SLC39A11: variants seen among roughly 807,000 people sequenced by gnomAD.
SLC39A11 encodes zinc transporter ZIP11.
A neutral mutation model predicts 36.1 loss-of-function variants in SLC39A11; 33 were observed. That is an observed-to-expected ratio of 0.91 (90% CI 0.69 to 1.22). The LOEUF (loss-of-function observed/expected upper bound fraction) is 1.22, where lower values mean the gene tolerates loss of function less well. Among genes scored for constraint, SLC39A11 ranks in the 50% most tolerant of loss-of-function variants. The pLI, the probability that SLC39A11 is intolerant of heterozygous loss-of-function variation, is 0.00. For synonymous variants in SLC39A11, 166 were observed against 170.3 expected (o/e 0.97, Z 0.20); for missense variants, 432 against 430.3 (o/e 1.00, Z -0.03).
chr17:72,955,298 C>CTCTTTTT (rs757324144), intron 4 of SLC39A11, among the ~76,000 whole-genome samples: 7 of 65,580 alleles, frequency 1.1e-4, no homozygotes, highest in Non-Finnish European at 1.3e-4. Context: ...TTTCAGTTCT[C>CTCTTTTT]TTTTTTTTTT....
chr17:72,925,300 C>A (rs1407716368), intron 5 of SLC39A11, among the ~76,000 whole-genome samples: 3 of 152,136 alleles, frequency 2.0e-5, no homozygotes, highest in Admixed American at 2.0e-4. Flanking sequence ...GAAATTCACA[C>A]CTGATTCCAT....
rs1261764682 is a variant in SLC39A11, at chr17:72,874,680, G to A, written c.431-24876C>T. 2.0e-5 allele frequency among the ~76,000 whole-genome samples: 3 copies of A among 152,200 alleles called. No individual in the cohort carries two copies. In the East Asian group the frequency reaches 5.8e-4, roughly 29 times the overall value. ...AAGAAATCATCAGGGAACACCCTGA[G>A]AGGAAAGAGCGAGCCCTGAAAAATG... On this transcript the variant is annotated intron_variant, in intron 5 of 9. Coordinates refer to ENST00000255559, the MANE Select transcript of SLC39A11 (RefSeq NM_139177.4).
chr17:72,974,805 G>T (rs773061237), intron 4 of SLC39A11, among the ~76,000 whole-genome samples: 2 of 152,200 alleles, frequency 1.3e-5, no homozygotes, highest in African/African-American at 4.8e-5. Flanking sequence ...CTCCATTCAT[G>T]ATGAGTGCCC....
intron 7 of SLC39A11, among the ~76,000 whole-genome samples, chr17:72,701,177 G>A (rs1276189736): frequency 6.6e-6 from 1 of 152,228 alleles, no homozygotes; most frequent in Non-Finnish European, 1.5e-5. Context: ...TGTTTGGCAT[G>A]GTTTTGGCAC....
At position 73,001,342 on chromosome 17, in the gene SLC39A11, A is replaced by G. The variant is rs114887878; in HGVS notation, c.306+30214T>C. ...TCTGGAACTAGAACCTGACTGATAG[A>G]TATCAGCCTTAAGAAAAAGTTGTAT... On this transcript the variant is annotated intron_variant, in intron 4 of 9. Transcript: ENST00000255559. Among the ~76,000 whole-genome samples the G allele has an allele frequency of 5.8e-3, 847 of 145,162 alleles. 4 individuals are homozygous for G. Among genetic ancestry groups the G allele is most frequent in the African/African-American group, 0.02 (787 of 39,202 alleles).
At chr17:72,796,429 A>T (rs1393430994) in intron 6 of SLC39A11, among the ~76,000 whole-genome samples, 1 of 151,960 alleles carries the variant, frequency 6.6e-6, no homozygotes, top group East Asian at 1.9e-4. Context: ...TATTCCCAAG[A>T]CCACTGCTAC....
intron 5 of SLC39A11, among the ~76,000 whole-genome samples, chr17:72,939,053 C>T (rs1030807682): frequency 3.3e-5 from 5 of 152,170 alleles, no homozygotes; most frequent in East Asian, 1.9e-4. Flanking sequence ...GCGCCTCAGA[C>T]GAACCAAGCT....
At chr17:72,912,671 G>A (rs980000363) in intron 5 of SLC39A11, among the ~76,000 whole-genome samples, 48 of 152,072 alleles carry the variant, frequency 3.2e-4, no homozygotes, top group Middle Eastern at 3.4e-3. Context: ...TGAGGGTACG[G>A]GGGTGAGGAG....
intron 6 of SLC39A11, among the ~76,000 whole-genome samples, chr17:72,754,539 G>A (rs1308745972): frequency 1.3e-5 from 2 of 152,128 alleles, no homozygotes; most frequent in Non-Finnish European, 2.9e-5. Flanking sequence ...AAGAAGAGAG[G>A]GAAAGAGTGT....
At chr17:72,922,985 A>C (rs868401658) in intron 5 of SLC39A11, among the ~76,000 whole-genome samples, 25 of 149,416 alleles carry the variant, frequency 1.7e-4, no homozygotes, top group African/African-American at 5.6e-4. Flanking sequence ...AAAAAAAAAA[A>C]AAAAACACAC....
chr17:72,777,843 CTG>C (rs1285608727), intron 6 of SLC39A11, among the ~76,000 whole-genome samples: 1 of 148,418 alleles, frequency 6.7e-6, no homozygotes, highest in Non-Finnish European at 1.5e-5. Flanking sequence ...TTTACGTACA[CTG>C]TGTGTATGTA....
intron 2 of SLC39A11, among the ~76,000 whole-genome samples, chr17:73,085,309 C>T (rs1478868124): frequency 1.3e-5 from 2 of 151,470 alleles, no homozygotes; most frequent in Admixed American, 1.3e-4. Flanking sequence ...GAGTTCAAGA[C>T]CAGCCTAGCC....
At chr17:72,991,152 T>C (rs1463021207) in intron 4 of SLC39A11, among the ~76,000 whole-genome samples, 3 of 152,160 alleles carry the variant, frequency 2.0e-5, no homozygotes, top group Admixed American at 2.0e-4. Context: ...AGCTCTTCTC[T>C]CTCCGCACCA....
intron 7 of SLC39A11, among the ~76,000 whole-genome samples, chr17:72,729,248 A>T (rs1053332355): frequency 4.1e-5 from 6 of 146,510 alleles, no homozygotes; most frequent in African/African-American, 1.5e-4. Context: ...ATTTAGTTTT[A>T]TTTTTTTTGA....
chr17:72,784,577 G>C (rs1015686510), intron 6 of SLC39A11, among the ~76,000 whole-genome samples: 2 of 152,124 alleles, frequency 1.3e-5, no homozygotes, highest in African/African-American at 4.8e-5. Flanking sequence ...TGCTGGAGGT[G>C]GGGCCTGGCG....
chr17:72,899,242 C>T (rs528643764), intron 5 of SLC39A11, among the ~76,000 whole-genome samples: 2 of 152,108 alleles, frequency 1.3e-5, no homozygotes, highest in East Asian at 3.9e-4. Flanking sequence ...TGCTGTACCC[C>T]ACCTTGCCCC....
At chr17:72,983,763 C>T (rs1043957847) in intron 4 of SLC39A11, among the ~76,000 whole-genome samples, 1 of 152,172 alleles carries the variant, frequency 6.6e-6, no homozygotes, top group Non-Finnish European at 1.5e-5. Flanking sequence ...CAGAGCCAGG[C>T]TCTTCACCCA....
At chr17:73,053,241 C>CTT (rs111679659) in intron 3 of SLC39A11, among the ~76,000 whole-genome samples, 123 of 38,138 alleles carry the variant, frequency 3.2e-3, no homozygotes, top group African/African-American at 9.1e-3. Context: ...ATTTGATTTT[C>CTT]TTTTTTTTTT....
At chr17:73,070,295 C>T (rs2060124630) in intron 3 of SLC39A11, among the ~76,000 whole-genome samples, 1 of 152,162 alleles carries the variant, frequency 6.6e-6, no homozygotes, top group African/African-American at 2.4e-5. Flanking sequence ...GTAACAAGAT[C>T]AGCAGTCTTG....
Sources: allele counts gnomAD v4.1 joint callset (sites outside exome capture counted in the v4.1 genomes callset), GRCh38; gene constraint gnomAD v4.1.1; transcripts MANE v1.5; gene names NCBI Gene and HGNC (gene_info 2026-07-23, HGNC 2026-07-21).